The following DGUOK variants were observed in gnomAD, a reference collection of about 807,000 sequenced individuals.
DGUOK encodes the protein deoxyguanosine kinase.
DGUOK carries 30 observed loss-of-function variants against 36.6 expected under a neutral mutation model. That is an observed-to-expected ratio of 0.82 (90% CI 0.61 to 1.11). The LOEUF (loss-of-function observed/expected upper bound fraction) is 1.11, where lower values mean the gene tolerates loss of function less well. Among genes scored for constraint, DGUOK ranks in the 50% most tolerant of loss-of-function variants. The pLI is 0.00. For missense variants in DGUOK, 361 were observed against 336.4 expected (o/e 1.07, Z -0.57); for synonymous variants, 145 against 126.3 (o/e 1.15, Z -0.99).
intron 4 of DGUOK, among the ~76,000 whole-genome samples, chr2:73,956,376 C>A (rs1357952802): frequency 6.6e-6 from 1 of 152,172 alleles, no homozygotes; most frequent in Non-Finnish European, 1.5e-5. Context: ...AAATGCAATG[C>A]TATTCATACA....
chr2:73,938,724 A>G (rs568887775), intron 1 of DGUOK, among the ~76,000 whole-genome samples, 186 bp from the exon 2 acceptor site: 3 of 152,324 alleles, frequency 2.0e-5, no homozygotes, highest in East Asian at 1.9e-4. Context: ...TGTATTCATT[A>G]TGGTGGTTCT....
At position 73,946,877 on chromosome 2, in the gene DGUOK, G is replaced by C; in HGVS notation, c.414G>C (p.Gln138His). The change falls in exon 3 of 7, where the codon CAG becomes CAC. Residue 138 changes from glutamine to histidine, a missense_variant. Gln to His is a conservative substitution (Grantham distance 24). Coordinates refer to ENST00000264093, the MANE Select transcript of DGUOK (RefSeq NM_080916.3). The stretch of plus-strand genomic sequence containing the variant: ...TCTTACAGGCCAGGAAGCCAGTACA[G>C]ATCTTTGAGAGGTCTGTGTACAGTG... ...EKLLQARKPV[Q>H]IFERSVYSDR... The C allele has an allele frequency of 1.2e-6, 2 of 1,613,404 alleles. No individual in the cohort carries two copies. The highest frequency in any genetic ancestry group is 1.7e-6 in the Non-Finnish European group (2 of 1,179,894).
intron 1 of DGUOK, among the ~76,000 whole-genome samples, chr2:73,932,931 TATC>T (rs1195962116): frequency 1.3e-5 from 2 of 152,226 alleles, no homozygotes; most frequent in African/African-American, 2.4e-5. Flanking sequence ...TACAGTGTAT[TATC>T]ATCTTCTTGT....
chr2:73,958,306 G>C, intron 6 of DGUOK, 61 bp downstream of exon 6: 1 of 1,387,666 alleles, frequency 7.2e-7, no homozygotes, highest in South Asian at 1.2e-5. Context: ...TTATCTTTCT[G>C]GCCTTTGCTT....
chr2:73,936,440 TGA>T (rs1184724831), intron 1 of DGUOK, among the ~76,000 whole-genome samples: 1 of 152,190 alleles, frequency 6.6e-6, no homozygotes, highest in Non-Finnish European at 1.5e-5. Flanking sequence ...AGGTGGGGAC[TGA>T]GAGATGAGCG....
intron 2 of DGUOK, among the ~76,000 whole-genome samples, chr2:73,942,580 T>C (rs1410247590): frequency 7.6e-6 from 1 of 131,536 alleles, no homozygotes; most frequent in Non-Finnish European, 1.6e-5. Flanking sequence ...TATATTTATC[T>C]TATATGATTT....
chr2:73,927,402 A>C (rs1453777093), intron 1 of DGUOK, among the ~76,000 whole-genome samples: 1 of 152,240 alleles, frequency 6.6e-6, no homozygotes, highest in East Asian at 1.9e-4. Flanking sequence ...ATTTAGCAGA[A>C]ATTAAAAATA....
In DGUOK at chr2:73,958,823, C is replaced by T; in HGVS notation, c.*87C>T. 1 of 1,132,670 alleles carries T rather than the reference C, an allele frequency of 8.8e-7. No individual in the cohort carries two copies. Among genetic ancestry groups the T allele is most frequent in the Non-Finnish European group, 1.4e-6 (1 of 740,348 alleles). The allele number at this position is 1,132,670 out of a possible 1,614,324, so 70.2% of individuals were successfully genotyped here. A position where few individuals can be genotyped will look rare whatever the true frequency, so the allele number is the denominator to read the frequency against. ...TTGTGTCTCCCAACCACCTTTCCAT[C>T]CCCAGCCCCTCTCATCCCTGGAGCA... On this transcript the variant is annotated 3_prime_UTR_variant, in exon 7 of 7. Transcript: ENST00000264093.
chr2:73,936,358 G>A (rs1250484502), intron 1 of DGUOK, among the ~76,000 whole-genome samples: 10 of 152,172 alleles, frequency 6.6e-5, no homozygotes, highest in Non-Finnish European at 8.8e-5. Flanking sequence ...AGCAGGGGAG[G>A]GCATTTATTC....
Position 73,957,193 on chromosome 2 carries a change from G to A in DGUOK, c.660G>A (p.Glu220=), listed in dbSNP as rs2105001271. The part of the protein sequence containing the change: ...EEKGIELAYL[E]QLHGQHEAWL... ...AAGGAATTGAGCTGGCCTATCTAGA[G>A]CAGCTGCATGGCCAACACGAAGCCT... The change falls in exon 5 of 7, where the codon GAG becomes GAA. Residue 220 remains glutamate (E), a synonymous_variant. Transcript: ENST00000264093. The A allele has an allele frequency of 4.3e-6, 7 of 1,614,190 alleles. No homozygotes were observed. Among genetic ancestry groups the A allele is most frequent in the Middle Eastern group, 1.7e-4 (1 of 6,060 alleles).
chr2:73,942,205 C>T (rs1324001017), intron 2 of DGUOK, among the ~76,000 whole-genome samples: 5 of 151,990 alleles, frequency 3.3e-5, no homozygotes, highest in South Asian at 4.2e-4. Context: ...CCACTGCGCC[C>T]GACCATGTCA....
At chr2:73,956,638 C>T (rs1481216934) in intron 4 of DGUOK, among the ~76,000 whole-genome samples, 1 of 152,206 alleles carries the variant, frequency 6.6e-6, no homozygotes, top group Non-Finnish European at 1.5e-5. Flanking sequence ...CAGGAATTTA[C>T]TCCTGGACTT....
Position 73,944,649 on chromosome 2 carries a change from A to G in DGUOK, c.256-2070A>G, listed in dbSNP as rs564731196. 7.9e-5 allele frequency among the ~76,000 whole-genome samples: 12 copies of G among 152,232 alleles called. No homozygotes were observed. The South Asian group carries it at 2.5e-3, about 32-fold the overall frequency. On this transcript the variant is annotated intron_variant, in intron 2 of 6. Transcript: ENST00000264093. ...CTTATATTTTTGGAAGGATGTTTGC[A>G]TTTGTTCTGTAGCTGAGATGGGTTC...
At chr2:73,929,117 C>T (rs1176838858) in intron 1 of DGUOK, among the ~76,000 whole-genome samples, 6 of 152,160 alleles carry the variant, frequency 3.9e-5, no homozygotes, top group Non-Finnish European at 7.4e-5. Context: ...CCCCTCCCCT[C>T]GCTTCCCCTC....
At chr2:73,941,753 C>T (rs1291789649) in intron 2 of DGUOK, among the ~76,000 whole-genome samples, 2 of 151,908 alleles carry the variant, frequency 1.3e-5, no homozygotes, top group African/African-American at 4.8e-5. Context: ...AATATAAAGC[C>T]ATGTTTTGTG....
intron 6 of DGUOK, 40 bp downstream of exon 6, chr2:73,958,285 T>C: frequency 6.6e-7 from 1 of 1,506,334 alleles, no homozygotes; most frequent in South Asian, 1.1e-5. Flanking sequence ...GTGGTTTCCT[T>C]TGTTGTACTT....
chr2:73,929,240 C>T (rs754224719), intron 1 of DGUOK, among the ~76,000 whole-genome samples: 1 of 152,192 alleles, frequency 6.6e-6, no homozygotes, highest in Non-Finnish European at 1.5e-5. Context: ...TCTTGAGTAG[C>T]TGGATCCACA....
intron 3 of DGUOK, among the ~76,000 whole-genome samples, chr2:73,948,668 G>T (rs1225380396): frequency 5.9e-5 from 9 of 152,210 alleles, no homozygotes; most frequent in Admixed American, 5.9e-4. Flanking sequence ...TGGGAGAGTT[G>T]ATTATAGCGA....
At chr2:73,958,657 G>T in intron 6 of DGUOK, 53 bp from the exon 7 acceptor site, 1 of 1,534,276 alleles carries the variant, frequency 6.5e-7, no homozygotes, top group Non-Finnish European at 9.0e-7. Context: ...GTGGACCATT[G>T]AAAATTCTGT....
Sources: allele counts gnomAD v4.1 joint callset (sites outside exome capture counted in the v4.1 genomes callset), GRCh38; gene constraint gnomAD v4.1.1; transcripts MANE v1.5; gene names NCBI Gene and HGNC (gene_info 2026-07-23, HGNC 2026-07-21).